ZFAND3: variants seen among roughly 807,000 people sequenced by gnomAD.
ZFAND3 encodes zinc finger AN1-type containing 3.
In ZFAND3, 10 loss-of-function variants were observed where a neutral mutation model predicts 29.6. The ratio of observed to expected loss-of-function variants is 0.34; its 90% CI spans 0.21 to 0.57. ZFAND3 has a LOEUF of 0.57. ZFAND3 is among the 20% of genes least tolerant of loss of function. ZFAND3 has a pLI of 0.86. For missense variants in ZFAND3, 230 were observed against 304.5 expected (o/e 0.76, Z 1.82); for synonymous variants, 128 against 112.6 (o/e 1.14, Z -0.87).
chr6:38,091,559 G>A (rs1764871438), intron 4 of ZFAND3, among the ~76,000 whole-genome samples: 1 of 141,748 alleles, frequency 7.1e-6, no homozygotes, highest in South Asian at 2.2e-4. Context: ...GCATGTGTGT[G>A]CCTGTTAGAA....
At chr6:38,120,051 G>T (rs1421223078) in intron 5 of ZFAND3, among the ~76,000 whole-genome samples, 1 of 152,160 alleles carries the variant, frequency 6.6e-6, no homozygotes, top group East Asian at 1.9e-4. Context: ...GCGAGGCTGG[G>T]ATTATATCCT....
chr6:37,995,963 C>T (rs1365024579), intron 2 of ZFAND3, among the ~76,000 whole-genome samples: 3 of 151,908 alleles, frequency 2.0e-5, no homozygotes, highest in African/African-American at 7.3e-5. Context: ...CCCATCTCTA[C>T]TAAAAATACA....
At chr6:37,951,804 T>C (rs1001225126) in intron 2 of ZFAND3, among the ~76,000 whole-genome samples, 12 of 152,290 alleles carry the variant, frequency 7.9e-5, no homozygotes, top group Non-Finnish European at 1.8e-4. Context: ...AGTTTTTGCC[T>C]GTTTAGTATG....
intron 1 of ZFAND3, among the ~76,000 whole-genome samples, chr6:37,861,269 TAA>T (rs960221476): frequency 6.6e-6 from 1 of 151,588 alleles, no homozygotes; most frequent in East Asian, 1.9e-4. Context: ...AAAATAAAAA[TAA>T]AAAAATAGCA....
intron 4 of ZFAND3, among the ~76,000 whole-genome samples, chr6:38,087,165 T>C (rs1321271085): frequency 6.6e-6 from 1 of 152,172 alleles, no homozygotes; most frequent in Non-Finnish European, 1.5e-5. Flanking sequence ...GACCCCTGTC[T>C]CTCTCCACAT....
chr6:38,058,686 G>A (rs1335131344), intron 2 of ZFAND3, among the ~76,000 whole-genome samples: 1 of 152,184 alleles, frequency 6.6e-6, no homozygotes, highest in Non-Finnish European at 1.5e-5. Context: ...ACATCCTGTG[G>A]TTGTGATTGA....
intron 3 of ZFAND3, among the ~76,000 whole-genome samples, chr6:38,077,726 A>G (rs550037962): frequency 1.4e-4 from 21 of 152,390 alleles, no homozygotes; most frequent in African/African-American, 4.8e-4. Context: ...AAAACTTTTC[A>G]GAGTAGATTG....
intron 2 of ZFAND3, among the ~76,000 whole-genome samples, chr6:38,053,321 C>A (rs1301878191): frequency 2.6e-5 from 3 of 113,574 alleles, no homozygotes; most frequent in African/African-American, 9.5e-5. Context: ...TTTTTTTTTG[C>A]AATCATTGTG....
At chr6:38,025,759 G>T (rs1041897425) in intron 2 of ZFAND3, among the ~76,000 whole-genome samples, 4 of 152,160 alleles carry the variant, frequency 2.6e-5, no homozygotes, top group African/African-American at 9.7e-5. Flanking sequence ...TGTAAAAGGA[G>T]CCAGTCATGA....
chr6:37,868,913 C>T (rs1279347937), intron 1 of ZFAND3, among the ~76,000 whole-genome samples: 1 of 152,092 alleles, frequency 6.6e-6, no homozygotes, highest in Non-Finnish European at 1.5e-5. Flanking sequence ...GTTAGTTATT[C>T]CTTAAATGTT....
intron 2 of ZFAND3, among the ~76,000 whole-genome samples, chr6:37,962,035 C>T (rs1008188129): frequency 2.0e-5 from 3 of 152,062 alleles, no homozygotes; most frequent in African/African-American, 7.3e-5. Context: ...GGGACAAATC[C>T]TGAAGAAATA....
chr6:38,016,907 G>A (rs569347589), intron 2 of ZFAND3, among the ~76,000 whole-genome samples: 2 of 152,182 alleles, frequency 1.3e-5, no homozygotes, highest in Admixed American at 6.5e-5. Flanking sequence ...ATAATCCATA[G>A]CGAGGAAAAC....
At chr6:37,946,810 A>G (rs545114896) in intron 2 of ZFAND3, among the ~76,000 whole-genome samples, 1 of 152,342 alleles carries the variant, frequency 6.6e-6, no homozygotes, top group African/African-American at 2.4e-5. Context: ...TATTCTGCTT[A>G]CGTGACGTAC....
At chr6:37,977,627 G>A (rs1292502933) in intron 2 of ZFAND3, among the ~76,000 whole-genome samples, 1 of 152,044 alleles carries the variant, frequency 6.6e-6, no homozygotes, top group African/African-American at 2.4e-5. Flanking sequence ...AATAGAGGTG[G>A]TGGGAGCAAA....
intron 1 of ZFAND3, among the ~76,000 whole-genome samples, chr6:37,843,259 G>C (rs1764112689): frequency 6.6e-6 from 1 of 152,010 alleles, no homozygotes; most frequent in African/African-American, 2.4e-5. Flanking sequence ...GCTGAGGCAG[G>C]TGGATCACGA....
intron 1 of ZFAND3, among the ~76,000 whole-genome samples, chr6:37,833,516 T>C (rs575040065): frequency 6.6e-6 from 1 of 152,150 alleles, no homozygotes; most frequent in Non-Finnish European, 1.5e-5. Context: ...GTGTGTACTT[T>C]GGTAGATTAA....
At chr6:38,029,812 T>C (rs1763516736) in intron 2 of ZFAND3, among the ~76,000 whole-genome samples, 3 of 152,224 alleles carry the variant, frequency 2.0e-5, no homozygotes, top group Middle Eastern at 6.8e-3. Flanking sequence ...TAAATTATCG[T>C]CATGTATTTT....
In ZFAND3 at chr6:38,116,841, ACTGTAAGTTTG is replaced by A. The variant is rs1765428183; in HGVS notation, c.529+105_529+115del. The A allele has an allele frequency of 2.1e-6, 3 of 1,454,640 alleles. No individual in the cohort carries two copies. In the Admixed American group the frequency reaches 6.5e-5, roughly 32 times the overall value. The allele number at this position is 1,454,640 out of a possible 1,614,324, so 90.1% of individuals were successfully genotyped here. A position where few individuals can be genotyped will look rare whatever the true frequency, so the allele number is the denominator to read the frequency against. ...GAAGTCTTTCGTTCTTCTTCTGAGT[ACTGTAAGTTTG>A]CTACAGTAGTGCATGCGATATAGGT... is the stretch of plus-strand genomic sequence containing the variant. On this transcript the variant is annotated intron_variant, in intron 5 of 5. Transcript: ENST00000287218.
At chr6:37,920,052 CTTTTTTTTTTTT>C (rs11389241) in intron 1 of ZFAND3, among the ~76,000 whole-genome samples, 1 of 93,410 alleles carries the variant, frequency 1.1e-5, no homozygotes, top group Non-Finnish European at 2.1e-5. Context: ...TTTTTTGAAG[CTTTTTTTTTTTT>C]TTTTTTTTTG....
Sources: allele counts gnomAD v4.1 joint callset (sites outside exome capture counted in the v4.1 genomes callset), GRCh38; gene constraint gnomAD v4.1.1; transcripts MANE v1.5; gene names NCBI Gene and HGNC (gene_info 2026-07-23, HGNC 2026-07-21).